Variants in UGT1A3 observed in about 807,000 individuals in gnomAD.
The protein encoded by UGT1A3 is UDP glucuronosyltransferase family 1 member A3.
Under a neutral mutation model 41.0 loss-of-function variants are expected in UGT1A3, and 31 were observed. The ratio of observed to expected loss-of-function variants is 0.76; its 90% CI spans 0.57 to 1.02. The LOEUF (loss-of-function observed/expected upper bound fraction) is 1.02. Ranked by LOEUF, UGT1A3 falls within the 50% of genes least tolerant of loss-of-function variation. The probability of loss-of-function intolerance (pLI) is 0.00; values close to 1 mark genes in which losing one functional copy is unlikely to be tolerated. For synonymous variants in UGT1A3, 262 were observed against 257.6 expected, an observed-to-expected ratio of 1.02 and a Z score of -0.17; for missense variants, 737 against 671.0, an observed-to-expected ratio of 1.10 and a Z score of -1.09.
At chr2:233,731,770 T>C (rs1223640583) in intron 1 of UGT1A3, among the ~76,000 whole-genome samples, 2 of 152,114 alleles carry the variant, frequency 1.3e-5, no homozygotes, top group Non-Finnish European at 2.9e-5. Context: ...CTTAGAGTAG[T>C]ATCATTTATA....
At chr2:233,759,117 T>G (rs1697059369) in intron 1 of UGT1A3, among the ~76,000 whole-genome samples, 2 of 152,238 alleles carry the variant, frequency 1.3e-5, no homozygotes, top group African/African-American at 4.8e-5. Flanking sequence ...ACCAGGGAGT[T>G]ACAGCCTCTG....
At chr2:233,754,443 A>G (rs925752742) in intron 1 of UGT1A3, 4 of 350,446 alleles carry the variant, frequency 1.1e-5, no homozygotes, top group Admixed American at 3.9e-5. Context: ...GTGTTTATAA[A>G]TTCTTGGGTA....
chr2:233,766,877 C>G (rs3213726), intron 1 of UGT1A3, among the ~76,000 whole-genome samples, 157 bp from the exon 2 acceptor site: 1 of 152,336 alleles, frequency 6.6e-6, no homozygotes, highest in Non-Finnish European at 1.5e-5. Context: ...GAGGAAAATG[C>G]TGTAAAACTT....
intron 1 of UGT1A3, among the ~76,000 whole-genome samples, chr2:233,752,079 A>T (rs1159289644): frequency 6.6e-6 from 1 of 152,210 alleles, no homozygotes; most frequent in Non-Finnish European, 1.5e-5. Flanking sequence ...AAGTCTCTCT[A>T]CCTGTTTGGA....
At chr2:233,755,100 G>T (rs920872791) in intron 1 of UGT1A3, 1 of 1,335,078 alleles carries the variant, frequency 7.5e-7, no homozygotes, top group Non-Finnish European at 1.0e-6. Context: ...CTACGCGTCC[G>T]ACAACACCTC....
At position 233,729,641 on chromosome 2, in the gene UGT1A3, T is replaced by C. The variant is rs2077899258; in HGVS notation, c.515T>C (p.Phe172Ser). ...TACCTGTCGATTCCTACTGTGTTTT[T>C]TTTGAGGAACATTCCATGTGATTTA... is the stretch of plus-strand genomic sequence containing the variant. ...AKYLSIPTVFFLRNIPCDLDF... is the reference protein window; with the variant it reads ...AKYLSIPTVFSLRNIPCDLDF... The change falls in exon 1 of 5, where the codon TTT (phenylalanine) becomes TCT (serine). Residue 172 changes from phenylalanine (F) to serine (S), a missense_variant. Coordinates refer to ENST00000482026, the MANE Select transcript of UGT1A3 (RefSeq NM_019093.4). 6.2e-7 allele frequency: 1 copy of C among 1,613,944 alleles called. No individual in the cohort carries two copies. The highest frequency in any genetic ancestry group is 8.5e-7 in the Non-Finnish European group (1 of 1,179,870).
chr2:233,743,056 A>C (rs955838724), intron 1 of UGT1A3: 1 of 325,656 alleles, frequency 3.1e-6, no homozygotes, highest in Non-Finnish European at 6.0e-6. Flanking sequence ...AGTCCCAACG[A>C]TAAGAACAGG....
intron 1 of UGT1A3, among the ~76,000 whole-genome samples, chr2:233,758,056 A>C (rs1696785048): frequency 6.6e-6 from 1 of 152,062 alleles, no homozygotes; most frequent in Non-Finnish European, 1.5e-5. Context: ...GACCATTTCT[A>C]ACTTGACTTT....
At chr2:233,767,198 A>G in intron 2 of UGT1A3, 33 bp downstream of exon 2, 1 of 1,613,498 alleles carries the variant, frequency 6.2e-7, no homozygotes, top group Non-Finnish European at 8.5e-7. Flanking sequence ...CCTCATATCT[A>G]TTTTCACAGG....
chr2:233,744,437 G>A (rs1405958246), intron 1 of UGT1A3, among the ~76,000 whole-genome samples: 1 of 151,860 alleles, frequency 6.6e-6, no homozygotes, highest in Non-Finnish European at 1.5e-5. Context: ...TCTATCATAC[G>A]TACTGCATTA....
Position 233,752,817 on chromosome 2 carries a change from T to G in UGT1A3, c.868-14217T>G, listed in dbSNP as rs569255624. On this transcript the variant is annotated intron_variant, in intron 1 of 4. Transcript: ENST00000482026. ...CTTCTGTAGAAGGAACACTTCCCAT[T>G]TATGACATCAGTAATCTAGGATATA... Among the ~76,000 whole-genome samples the G allele has an allele frequency of 2.6e-5, 4 of 152,306 alleles. No individual in the cohort carries two copies. The East Asian group carries it at 7.7e-4, about 29-fold the overall frequency.
chr2:233,746,942 A>C (rs1693513672), intron 1 of UGT1A3, among the ~76,000 whole-genome samples: 1 of 151,778 alleles, frequency 6.6e-6, no homozygotes, highest in South Asian at 2.1e-4. Context: ...ATTGGATGAG[A>C]AACAAGAGCT....
At chr2:233,739,740 T>C (rs541880710) in intron 1 of UGT1A3, among the ~76,000 whole-genome samples, 25 of 152,316 alleles carry the variant, frequency 1.6e-4, no homozygotes, top group Non-Finnish European at 3.2e-4. Context: ...AGATGAGACC[T>C]TGGACTATGG....
rs1430116082 is a variant in UGT1A3 at position 233,769,294 on chromosome 2, T to A, written c.1307+855T>A. ...AGGGCAAATGATTTCTGGATTAAAGTTAGTATATTACTGTCAAGCTCACTG... is the reference window on the plus strand; with the variant it reads ...AGGGCAAATGATTTCTGGATTAAAGATAGTATATTACTGTCAAGCTCACTG... On this transcript the variant is annotated intron_variant, in intron 4 of 4. Coordinates refer to ENST00000482026, the MANE Select transcript of UGT1A3 (RefSeq NM_019093.4). This position sits in a 1 kb window ranked among gnomAD's most constrained non-coding sequence, Gnocchi z 4.4. Among the ~76,000 whole-genome samples, 2 of 152,234 alleles carry A rather than the reference T, an allele frequency of 1.3e-5. No homozygotes were observed. The highest frequency in any genetic ancestry group is 4.8e-5 in the African/African-American group (2 of 41,454).
At chr2:233,771,437 T>C (rs981684428) in intron 4 of UGT1A3, 1 of 152,226 alleles carries the variant, frequency 6.6e-6, no homozygotes, top group Non-Finnish European at 1.5e-5. Context: ...CATTTTGCAC[T>C]AAGTGGCTGC....
At chr2:233,733,440 C>T (rs1200700751) in intron 1 of UGT1A3, among the ~76,000 whole-genome samples, 12 of 152,030 alleles carry the variant, frequency 7.9e-5, no homozygotes, top group African/African-American at 1.5e-4. Context: ...ATATTGGCTG[C>T]GGGTTTGTCA....
chr2:233,767,013 A>C, intron 1 of UGT1A3, 21 bp from the exon 2 acceptor site: 3 of 1,613,858 alleles, frequency 1.9e-6, no homozygotes, highest in Non-Finnish European at 2.5e-6. Flanking sequence ...AATTAACTGA[A>C]AATTTTTCTT....
At chr2:233,766,899 A>T in intron 1 of UGT1A3, 135 bp from the exon 2 acceptor site, 2 of 1,486,470 alleles carry the variant, frequency 1.3e-6, no homozygotes, top group Non-Finnish European at 1.8e-6. Flanking sequence ...CATATTAATA[A>T]TTTTTTACTC....
chr2:233,765,846 C>T (rs562820887), intron 1 of UGT1A3, among the ~76,000 whole-genome samples: 4 of 152,146 alleles, frequency 2.6e-5, no homozygotes, highest in African/African-American at 7.2e-5. Flanking sequence ...CCTTGTCCCC[C>T]TCACAGAGCA....
Sources: gnomAD v4.1 joint callset for allele counts (sites outside exome capture counted in the v4.1 genomes callset) on GRCh38, gnomAD v4.1.1 for gene constraint, Gnocchi (gnomAD v3.1) non-coding constraint, MANE v1.5 for transcripts, NCBI Gene and HGNC (gene_info 2026-07-23, HGNC 2026-07-21) for gene names.